Variants in SH3KBP1 observed in about 807,000 individuals in gnomAD.
The protein encoded by SH3KBP1 is SH3 domain-containing kinase-binding protein 1.
A neutral mutation model predicts 50.1 loss-of-function variants in SH3KBP1; 8 were observed. That is an observed-to-expected ratio of 0.16 (90% confidence interval 0.09 to 0.29). The LOEUF is 0.29. Among genes scored for constraint, SH3KBP1 ranks in the 10% least tolerant of loss-of-function variants. SH3KBP1 has a pLI of 1.00. For synonymous variants in SH3KBP1, 227 were observed against 218.6 expected, an observed-to-expected ratio of 1.04 and a Z score of -0.34; for missense variants, 377 against 535.2, an observed-to-expected ratio of 0.70 and a Z score of 2.92.
At chrX:19,572,081 G>A (rs756172606) in intron 12 of SH3KBP1, among the ~76,000 whole-genome samples, 2 of 110,136 alleles carry the variant, frequency 1.8e-5, no homozygotes, top group African/African-American at 3.3e-5. Flanking sequence ...ATGTGAGCCC[G>A]TCTCCAGAAA....
At chrX:19,595,145 A>G (rs1181889619) in intron 9 of SH3KBP1, 145 bp from the exon 10 acceptor site, 2 of 447,438 alleles carry the variant, frequency 4.5e-6, no homozygotes, top group East Asian at 3.6e-5. Context: ...CTCTCCAGGG[A>G]CGTCAGTTTT....
At chrX:19,718,176 A>ACT (rs1173635878) in intron 3 of SH3KBP1, among the ~76,000 whole-genome samples, 1 of 110,285 alleles carries the variant, frequency 9.1e-6, no homozygotes, top group Non-Finnish European at 1.9e-5. Context: ...ACACACACAC[A>ACT]CACTCATAAC....
intron 2 of SH3KBP1, among the ~76,000 whole-genome samples, chrX:19,766,581 C>T (rs1317207522): frequency 1.0e-5 from 1 of 96,950 alleles, no homozygotes; most frequent in Non-Finnish European, 2.0e-5. Flanking sequence ...CTCGGCTCAC[C>T]GCAAGCTCCG....
At chrX:19,836,912 C>A (rs960672359) in intron 1 of SH3KBP1, among the ~76,000 whole-genome samples, 5 of 111,531 alleles carry the variant, frequency 4.5e-5, no homozygotes, top group Non-Finnish European at 9.4e-5. Flanking sequence ...AGGGACTTTT[C>A]CCCCTTTTGT....
intron 9 of SH3KBP1, among the ~76,000 whole-genome samples, chrX:19,606,688 G>A (rs2067251555): frequency 8.9e-6 from 1 of 112,118 alleles, no homozygotes; most frequent in Non-Finnish European, 1.9e-5. Flanking sequence ...CAAATCACCA[G>A]AGAACGCTGT....
chrX:19,806,623 C>T (rs753352028), intron 2 of SH3KBP1, among the ~76,000 whole-genome samples: 43 of 111,214 alleles, frequency 3.9e-4, no homozygotes, highest in Admixed American at 6.7e-4. Flanking sequence ...ACAACATTGC[C>T]CTCACGGTAT....
intron 5 of SH3KBP1, among the ~76,000 whole-genome samples, chrX:19,692,775 C>T (rs1473804760): frequency 9.5e-6 from 1 of 105,452 alleles, no homozygotes; most frequent in Non-Finnish European, 1.9e-5. Flanking sequence ...ATCTGCCTCC[C>T]GGGTTCAAGC....
At chrX:19,827,542 T>C (rs2067720822) in intron 2 of SH3KBP1, among the ~76,000 whole-genome samples, 1 of 111,427 alleles carries the variant, frequency 9.0e-6, no homozygotes, top group African/African-American at 3.3e-5. Flanking sequence ...TAAAATTCAT[T>C]TGAAAATGAA....
At chrX:19,547,463 T>C (rs775368294) in intron 14 of SH3KBP1, among the ~76,000 whole-genome samples, 75 of 112,153 alleles carry the variant, frequency 6.7e-4, no homozygotes, top group Non-Finnish European at 1.3e-3. Context: ...AGAAACCTAA[T>C]GCATTTTAGG....
intron 2 of SH3KBP1, among the ~76,000 whole-genome samples, chrX:19,788,990 G>A (rs912446019): frequency 9.0e-6 from 1 of 111,332 alleles, no homozygotes; most frequent in African/African-American, 3.3e-5. Context: ...CGGGCATGGT[G>A]GCGCATGCCT....
At chrX:19,846,768 A>G (rs1038761974) in intron 1 of SH3KBP1, among the ~76,000 whole-genome samples, 1 of 111,819 alleles carries the variant, frequency 8.9e-6, no homozygotes. Context: ...TCATGAAACA[A>G]TTTTATTATG....
At chrX:19,699,778 C>T (rs1301791363) in intron 4 of SH3KBP1, among the ~76,000 whole-genome samples, 1 of 111,778 alleles carries the variant, frequency 8.9e-6, no homozygotes, top group African/African-American at 3.3e-5. Flanking sequence ...CTTCAATACT[C>T]CCATCCCCAC....
intron 3 of SH3KBP1, among the ~76,000 whole-genome samples, chrX:19,709,258 C>T (rs910293351): frequency 2.7e-5 from 3 of 111,832 alleles, no homozygotes; most frequent in Middle Eastern, 4.6e-3. Flanking sequence ...GCCAACATGC[C>T]AAAGAGTAAG....
rs143927929 is a variant in SH3KBP1, at chrX:19,728,765, G to T, written c.286+17553C>A. On this transcript the variant is annotated intron_variant, in intron 3 of 17. Transcript: ENST00000397821. ...TCCAAAAGCTTAATAACCAAATGAG[G>T]GCTCACAGGTTAAAATGCTTTGAGG... Among the ~76,000 whole-genome samples the T allele has an allele frequency of 7.3e-3, 815 of 111,456 alleles. 10 individuals are homozygous for T. Among genetic ancestry groups the T allele is most frequent in the African/African-American group, 0.026 (782 of 30,591 alleles).
rs111744926 is a variant in SH3KBP1, at chrX:19,683,832, C to T, written c.717G>A (p.Pro239=). 171 of 1,206,108 alleles carry T rather than the reference C, an allele frequency of 1.4e-4. No individual in the cohort carries two copies. The highest frequency in any genetic ancestry group is 1.8e-4 in the Non-Finnish European group (163 of 891,480). The change falls in exon 6 of 18, where the codon CCG becomes CCA. Residue 239 remains proline, a synonymous_variant. Coordinates refer to ENST00000397821, the MANE Select transcript of SH3KBP1 (RefSeq NM_031892.3). ...RSIEVENDFL[P]VEKTIGKKLP... ...AAACTGTCGAACATACCTTTTCTAC[C>T]GGCAGAAAGTCATTTTCTACTTCAA...
At chrX:19,659,857 G>A (rs1292853034) in intron 6 of SH3KBP1, among the ~76,000 whole-genome samples, 1 of 112,461 alleles carries the variant, frequency 8.9e-6, no homozygotes, top group Non-Finnish European at 1.9e-5. Flanking sequence ...TTATATTTAC[G>A]GCTGCTTCTC....
rs776325706 is a variant in SH3KBP1, at chrX:19,731,095, A to G, written c.286+15223T>C. On this transcript the variant is annotated intron_variant, in intron 3 of 17. Transcript: ENST00000397821. ...GCTGGGATTACAGGCATGTGTCACCACGCCCGGCTAATTTTGTATTTCTAG... is the reference window on the plus strand; with the variant it reads ...GCTGGGATTACAGGCATGTGTCACCGCGCCCGGCTAATTTTGTATTTCTAG... 3.5e-3 allele frequency among the ~76,000 whole-genome samples: 386 copies of G among 110,326 alleles called. 1 individual carries two copies. Among genetic ancestry groups the G allele is most frequent in the Middle Eastern group, 9.3e-3 (2 of 216 alleles).
At chrX:19,845,637 G>A (rs1281651690) in intron 1 of SH3KBP1, among the ~76,000 whole-genome samples, 2 of 109,808 alleles carry the variant, frequency 1.8e-5, no homozygotes, top group Admixed American at 1.9e-4. Context: ...TTGAGATGGA[G>A]TCTTGCTCTG....
intron 2 of SH3KBP1, among the ~76,000 whole-genome samples, chrX:19,762,201 G>C (rs372718473): frequency 2.7e-4 from 30 of 112,886 alleles, no homozygotes; most frequent in Non-Finnish European, 2.4e-4. Context: ...TTAGTTTACG[G>C]TTTGACTGTA....
Sources: allele counts gnomAD v4.1 joint callset (sites outside exome capture counted in the v4.1 genomes callset), GRCh38; gene constraint gnomAD v4.1.1; transcripts MANE v1.5; gene names NCBI Gene and HGNC (gene_info 2026-07-23, HGNC 2026-07-21).